The following EXOC6 variants were observed in gnomAD, a reference collection of about 807,000 sequenced individuals.
EXOC6 encodes the protein exocyst complex component 6, also known as SEC15-like 1.
EXOC6 carries 60 observed loss-of-function variants against 112.5 expected under a neutral mutation model. The ratio of observed to expected loss-of-function variants is 0.53; its 90% CI spans 0.43 to 0.66. The LOEUF (loss-of-function observed/expected upper bound fraction) is 0.66, where lower values mean the gene tolerates loss of function less well. EXOC6 is among the 30% of genes least tolerant of loss of function. EXOC6 has a pLI of 0.00. For synonymous variants in EXOC6, 295 were observed against 308.0 expected (o/e 0.96, Z 0.44); for missense variants, 855 against 957.1 (o/e 0.89, Z 1.41).
intron 20 of EXOC6, among the ~76,000 whole-genome samples, chr10:93,051,452 A>G (rs891907656): frequency 2.6e-5 from 4 of 152,202 alleles, no homozygotes; most frequent in Non-Finnish European, 5.9e-5. Flanking sequence ...GAAGGCAGTT[A>G]ACACCTGAAG....
chr10:92,974,953 A>C (rs1842452606), intron 18 of EXOC6, among the ~76,000 whole-genome samples: 2 of 151,982 alleles, frequency 1.3e-5, no homozygotes, highest in Admixed American at 1.3e-4. Flanking sequence ...TGGCCTCCCA[A>C]AGTGCCGAGA....
chr10:93,055,628 AAAT>A (rs1344795899), intron 20 of EXOC6, among the ~76,000 whole-genome samples: 1 of 152,202 alleles, frequency 6.6e-6, no homozygotes, highest in Admixed American at 6.5e-5. Context: ...ACAGAACTTT[AAAT>A]AAGTTCCCTT....
At chr10:93,033,672 T>C (rs2134301739) in intron 20 of EXOC6, among the ~76,000 whole-genome samples, 1 of 152,352 alleles carries the variant, frequency 6.6e-6, no homozygotes, top group South Asian at 2.1e-4. Flanking sequence ...GTTAGTGGAC[T>C]CCTAAAACTG....
At chr10:92,892,413 A>G (rs958798459) in intron 1 of EXOC6, among the ~76,000 whole-genome samples, 2 of 152,204 alleles carry the variant, frequency 1.3e-5, no homozygotes, top group Non-Finnish European at 1.5e-5. Context: ...AGCTCATCCA[A>G]GCTTTGATAT....
chr10:92,895,859 C>CTT (rs34229333), intron 4 of EXOC6, among the ~76,000 whole-genome samples: 12 of 122,196 alleles, frequency 9.8e-5, no homozygotes, highest in African/African-American at 2.2e-4. Context: ...CACACCCGGC[C>CTT]TTTTTTTTTT....
intron 12 of EXOC6, among the ~76,000 whole-genome samples, chr10:92,937,486 G>T (rs1852409839): frequency 6.6e-6 from 1 of 152,078 alleles, no homozygotes; most frequent in Non-Finnish European, 1.5e-5. Flanking sequence ...TTGCATCTTA[G>T]AATTATAGTT....
chr10:92,910,990 A>G (rs1033723682), intron 6 of EXOC6, among the ~76,000 whole-genome samples: 11 of 47,826 alleles, frequency 2.3e-4, no homozygotes, highest in African/African-American at 8.9e-4. Context: ...ATGGAACAAG[A>G]ATGTAAAAAT....
At chr10:92,962,001 C>T (rs1228139844) in intron 17 of EXOC6, among the ~76,000 whole-genome samples, 2 of 152,156 alleles carry the variant, frequency 1.3e-5, no homozygotes, top group African/African-American at 2.4e-5. Context: ...CTTAGGTAAT[C>T]GGAGAATTAG....
intron 17 of EXOC6, among the ~76,000 whole-genome samples, chr10:92,964,280 TTTA>T (rs1221153183): frequency 1.3e-5 from 2 of 151,890 alleles, no homozygotes; most frequent in Non-Finnish European, 2.9e-5. Flanking sequence ...CTCTGGCCAT[TTTA>T]TTATACCTTT....
intron 13 of EXOC6, 51 bp from the exon 14 acceptor site, chr10:92,948,223 T>G (rs774748023): frequency 1.7e-6 from 2 of 1,203,578 alleles, no homozygotes; most frequent in South Asian, 1.4e-5. Flanking sequence ...CTTTTAGTAC[T>G]CTAATAATAT....
At chr10:93,052,338 G>A (rs923136422) in intron 20 of EXOC6, among the ~76,000 whole-genome samples, 4 of 152,188 alleles carry the variant, frequency 2.6e-5, no homozygotes, top group African/African-American at 9.7e-5. Context: ...GAAACTGTCA[G>A]CAAGCTAAAT....
At chr10:92,850,672 T>C (rs976401854) in intron 1 of EXOC6, among the ~76,000 whole-genome samples, 3 of 152,218 alleles carry the variant, frequency 2.0e-5, no homozygotes, top group Non-Finnish European at 4.4e-5. Context: ...TCTTGTTTGA[T>C]CTCTTCCCTT....
intron 1 of EXOC6, among the ~76,000 whole-genome samples, chr10:92,888,373 A>G (rs1168020197): frequency 6.6e-6 from 1 of 152,230 alleles, no homozygotes; most frequent in East Asian, 1.9e-4. Context: ...TTTGAAGAAT[A>G]TATTGGAAAA....
rs368186690 is a variant in EXOC6 at position 93,055,570 on chromosome 10, C to T, written c.2170-1354C>T. On this transcript the variant is annotated intron_variant, in intron 20 of 21. Coordinates refer to ENST00000260762, the MANE Select transcript of EXOC6 (RefSeq NM_019053.6). Reference sequence around the variant, plus strand: ...TGAGTGTATGAAAGTAACTTTTCCTCTTTGTGAAAGGAGGGAAAAATGTGG... The same window carrying T: ...TGAGTGTATGAAAGTAACTTTTCCTTTTTGTGAAAGGAGGGAAAAATGTGG... Among the ~76,000 whole-genome samples the T allele has an allele frequency of 2.0e-5, 3 of 152,240 alleles. No homozygotes were observed. In the East Asian group the frequency reaches 5.8e-4, roughly 29 times the overall value.
chr10:92,838,005 C>A (rs771356371), intron 1 of EXOC6, among the ~76,000 whole-genome samples: 1 of 152,170 alleles, frequency 6.6e-6, no homozygotes, highest in Non-Finnish European at 1.5e-5. Context: ...AGGTAGGCAA[C>A]CTGAGGTGGC....
rs114415277 is a variant in EXOC6 at position 92,850,633 on chromosome 10, C to T, written c.101+1999C>T. ...AGTGTAATGAACCACCATGAACTGT[C>T]ATCTAGCTTCAATTCATTCCCTGGC... On this transcript the variant is annotated intron_variant, in intron 1 of 21. Coordinates refer to ENST00000260762, the MANE Select transcript of EXOC6 (RefSeq NM_019053.6). Among the ~76,000 whole-genome samples, 856 of 152,240 alleles carry T rather than the reference C, an allele frequency of 5.6e-3. 6 individuals are homozygous for T. Among genetic ancestry groups the T allele is most frequent in the African/African-American group, 0.017 (708 of 41,528 alleles).
chr10:92,867,436 G>C (rs991114943), intron 1 of EXOC6, among the ~76,000 whole-genome samples: 2 of 151,982 alleles, frequency 1.3e-5, no homozygotes, highest in African/African-American at 4.8e-5. Flanking sequence ...AGAGAAACAG[G>C]CAGCAAAGTT....
chr10:92,829,342 A>G (rs138730887), intron 1 of EXOC6, among the ~76,000 whole-genome samples: 1,621 of 152,274 alleles, frequency 0.011, 21 homozygotes, highest in South Asian at 0.043. Context: ...CACAGGCTGG[A>G]AGTCCCATTC....
chr10:92,879,540 C>T (rs562948754), intron 1 of EXOC6, among the ~76,000 whole-genome samples: 1 of 152,148 alleles, frequency 6.6e-6, no homozygotes, highest in Admixed American at 6.5e-5. Context: ...TCAGTATTAT[C>T]CTCATATATG....
Sources: gnomAD v4.1 joint callset for allele counts (sites outside exome capture counted in the v4.1 genomes callset) on GRCh38, gnomAD v4.1.1 for gene constraint, MANE v1.5 for transcripts, NCBI Gene and HGNC (gene_info 2026-07-23, HGNC 2026-07-21) for gene names.